The following SUSD6 variants were observed in gnomAD, a reference collection of about 807,000 sequenced individuals.
The protein encoded by SUSD6 is sushi domain containing 6, also known as sushi domain-containing protein 6.
SUSD6 carries 16 observed loss-of-function variants against 28.4 expected under a neutral mutation model. That is an observed-to-expected ratio of 0.56 (90% confidence interval 0.38 to 0.86). The LOEUF (loss-of-function observed/expected upper bound fraction) is 0.86. Ranked by LOEUF, SUSD6 falls within the 40% of genes least tolerant of loss-of-function variation. The pLI, the probability that SUSD6 is intolerant of heterozygous loss-of-function variation, is 0.00. For missense variants in SUSD6, 341 were observed against 384.2 expected, an observed-to-expected ratio of 0.89 and a Z score of 0.94; for synonymous variants, 147 against 159.6, an observed-to-expected ratio of 0.92 and a Z score of 0.59.
rs1022919357 is a variant in SUSD6, at chr14:69,711,369, T to C, written c.*390T>C. ...TTACTTGTGCCTTTCCCCCACCCTG[T>C]CCAGTTTCCCTGTCATGCAGACTTG... On this transcript the variant is annotated 3_prime_UTR_variant, in exon 6 of 6. Transcript: ENST00000342745. 2.9e-5 allele frequency: 7 copies of C among 242,726 alleles called. No individual in the cohort carries two copies. Among genetic ancestry groups the C allele is most frequent in the Non-Finnish European group, 4.9e-5 (6 of 122,482 alleles). The allele number at this position is 242,726 out of a possible 1,614,324, so 15.0% of individuals were successfully genotyped here.
intron 2 of SUSD6, among the ~76,000 whole-genome samples, chr14:69,686,765 A>G (rs188891940): frequency 6.6e-6 from 1 of 152,324 alleles, no homozygotes; most frequent in East Asian, 1.9e-4. Flanking sequence ...ACCTGCGCCC[A>G]TGATTCCAGT....
intron 1 of SUSD6, among the ~76,000 whole-genome samples, chr14:69,619,114 C>T (rs1884999080): frequency 6.6e-6 from 1 of 152,184 alleles, no homozygotes; most frequent in Non-Finnish European, 1.5e-5. Flanking sequence ...GGTGTGATCA[C>T]CTCTTTGTTT....
At chr14:69,646,209 G>GTTT (rs2139606092) in intron 1 of SUSD6, among the ~76,000 whole-genome samples, 1 of 152,244 alleles carries the variant, frequency 6.6e-6, no homozygotes, top group Non-Finnish European at 1.5e-5. Context: ...CACTTCTCAT[G>GTTT]TTTTCCTTGA....
chr14:69,641,181 G>A (rs957283353), intron 1 of SUSD6, among the ~76,000 whole-genome samples: 1 of 152,104 alleles, frequency 6.6e-6, no homozygotes, highest in Non-Finnish European at 1.5e-5. Flanking sequence ...CTACTTTTAG[G>A]ATTTTCTTTA....
At chr14:69,617,567 G>A (rs1024239681) in intron 1 of SUSD6, 5 of 152,222 alleles carry the variant, frequency 3.3e-5, no homozygotes, top group African/African-American at 1.2e-4. Flanking sequence ...GGTGAGAGTT[G>A]ACAGACGCGA....
chr14:69,628,834 G>A (rs1036877841), intron 1 of SUSD6, among the ~76,000 whole-genome samples: 2 of 150,532 alleles, frequency 1.3e-5, no homozygotes, highest in African/African-American at 4.9e-5. Flanking sequence ...CCCAACCCCA[G>A]TAGCTGGGAC....
chr14:69,637,986 C>T (rs566334409), intron 1 of SUSD6, among the ~76,000 whole-genome samples: 70 of 152,266 alleles, frequency 4.6e-4, no homozygotes, highest in Non-Finnish European at 8.7e-4. Context: ...GCTGCTGCCC[C>T]CCACCACTCT....
At chr14:69,650,281 C>T (rs1271982388) in intron 1 of SUSD6, among the ~76,000 whole-genome samples, 1 of 152,092 alleles carries the variant, frequency 6.6e-6, no homozygotes, top group African/African-American at 2.4e-5. Context: ...ATTTGAGCAC[C>T]CACTGTTTCA....
chr14:69,673,620 G>T (rs1885865562), intron 2 of SUSD6, among the ~76,000 whole-genome samples: 2 of 152,134 alleles, frequency 1.3e-5, no homozygotes, highest in African/African-American at 4.8e-5. Flanking sequence ...ATGCTGGTCT[G>T]GTCCTTGCAT....
At chr14:69,663,605 G>C (rs1160939326) in intron 2 of SUSD6, among the ~76,000 whole-genome samples, 2 of 152,224 alleles carry the variant, frequency 1.3e-5, no homozygotes, top group Non-Finnish European at 2.9e-5. Context: ...GTCAGGCTCT[G>C]TTATCGTTCC....
In SUSD6 at chr14:69,704,633, C is replaced by T. The variant is rs774380392; in HGVS notation, c.349C>T (p.Pro117Ser). ...AGACACCCACACATCACTTGGGGTC[C>T]CCACGCTGTCTATAGTGGCTTCTAC... ...DKDTHTSLGV[P>S]TLSIVASTAS... The change falls in exon 4 of 6, where the codon CCC (proline) becomes TCC (serine). Residue 117 changes from proline (P) to serine (S), a missense_variant. Coordinates refer to ENST00000342745, the MANE Select transcript of SUSD6 (RefSeq NM_014734.4). 1.2e-6 allele frequency: 2 copies of T among 1,613,864 alleles called. No individual in the cohort carries two copies. The highest frequency in any genetic ancestry group is 2.2e-5 in the East Asian group (1 of 44,876).
At chr14:69,691,414 A>G (rs1442875600) in intron 2 of SUSD6, among the ~76,000 whole-genome samples, 2 of 152,014 alleles carry the variant, frequency 1.3e-5, no homozygotes, top group Admixed American at 6.5e-5. Flanking sequence ...TTTCTCAAAG[A>G]CCTATGGTGT....
intron 1 of SUSD6, among the ~76,000 whole-genome samples, chr14:69,656,767 TGACCAC>T (rs1296782975): frequency 2.0e-5 from 3 of 152,242 alleles, no homozygotes. Flanking sequence ...TTATATGACT[TGACCAC>T]AAGGTCATAA....
At chr14:69,701,961 C>G (rs1886318638) in intron 2 of SUSD6, among the ~76,000 whole-genome samples, 1 of 152,124 alleles carries the variant, frequency 6.6e-6, no homozygotes, top group Non-Finnish European at 1.5e-5. Flanking sequence ...AGTCAGCTTG[C>G]TTAACAGCCA....
intron 1 of SUSD6, among the ~76,000 whole-genome samples, chr14:69,656,146 G>A (rs868650566): frequency 1.2e-4 from 14 of 114,704 alleles, no homozygotes; most frequent in East Asian, 2.5e-4. Flanking sequence ...CCCTCCCTCC[G>A]TCTTCCTCCA....
chr14:69,703,772 G>A, intron 3 of SUSD6, 180 bp downstream of exon 3: 1 of 626,426 alleles, frequency 1.6e-6, no homozygotes, highest in Non-Finnish European at 2.8e-6. Context: ...TGAGGTTGCT[G>A]GTGCATGTCC....
At chr14:69,680,356 C>A (rs1007305445) in intron 2 of SUSD6, among the ~76,000 whole-genome samples, 2 of 152,132 alleles carry the variant, frequency 1.3e-5, no homozygotes, top group African/African-American at 4.8e-5. Flanking sequence ...TAAACAATGG[C>A]CTCCTCTAAG....
At chr14:69,652,552 G>A (rs1885520092) in intron 1 of SUSD6, among the ~76,000 whole-genome samples, 2 of 152,226 alleles carry the variant, frequency 1.3e-5, no homozygotes, top group South Asian at 4.1e-4. Context: ...GACTGAATCA[G>A]ACCCCTCTTG....
intron 1 of SUSD6, among the ~76,000 whole-genome samples, chr14:69,628,152 G>C (rs1436937441): frequency 6.6e-6 from 1 of 151,598 alleles, no homozygotes; most frequent in Non-Finnish European, 1.5e-5. Context: ...AGGCTGGTCT[G>C]GAACTCCTGA....
Sources: allele counts gnomAD v4.1 joint callset (sites outside exome capture counted in the v4.1 genomes callset), GRCh38; gene constraint gnomAD v4.1.1; transcripts MANE v1.5; gene names NCBI Gene and HGNC (gene_info 2026-07-23, HGNC 2026-07-21).